SPDYE10: variants seen among roughly 807,000 people sequenced by gnomAD.
SPDYE10 encodes the protein speedy protein E10.
At chr7:73,122,955 T>C in the SPDYE10 span, among the ~76,000 whole-genome samples, 4 of 152,350 alleles carry the variant, frequency 2.6e-5, no homozygotes, top group Non-Finnish European at 5.9e-5. Context: ...TGGCCAGAGC[T>C]TGGGGAAAGG....
At chr7:73,135,612 G>A in the SPDYE10 span, among the ~76,000 whole-genome samples, 1 of 114,158 alleles carries the variant, frequency 8.8e-6, no homozygotes, top group Non-Finnish European at 1.8e-5. Flanking sequence ...TGCAACCTCC[G>A]CTTCCTGGGT....
At chr7:73,142,932 C>CA in the SPDYE10 span, among the ~76,000 whole-genome samples, 1 of 107,254 alleles carries the variant, frequency 9.3e-6, no homozygotes, top group African/African-American at 3.6e-5. Context: ...GACTCTGTCT[C>CA]AAAAAAAAAG....
chr7:73,145,971 G>T, the SPDYE10 span, among the ~76,000 whole-genome samples: 1 of 25,878 alleles, frequency 3.9e-5, no homozygotes, highest in Non-Finnish European at 7.8e-5. Context: ...TTTTGAGACA[G>T]AGTCTCACTC....
At chr7:73,150,946 A>ATTTT in the SPDYE10 span, among the ~76,000 whole-genome samples, 1 of 11,326 alleles carries the variant, frequency 8.8e-5, no homozygotes, top group Admixed American at 2.0e-3. Flanking sequence ...ATATATATAT[A>ATTTT]TATTTTTTTT....
At chr7:73,104,085 AAC>A in the SPDYE10 span, 1 of 139,850 alleles carries the variant, frequency 7.2e-6, no homozygotes, top group African/African-American at 2.7e-5. Flanking sequence ...TTCTCTTGAA[AAC>A]ACACAGCTCA....
chr7:73,134,537 A>AAAGAAAGAAAGAAAGAAAGAAAG, the SPDYE10 span, among the ~76,000 whole-genome samples: 2 of 139,530 alleles, frequency 1.4e-5, no homozygotes, highest in African/African-American at 5.7e-5. Flanking sequence ...GAAAGAAAGA[A>AAAGAAAGAAAGAAAGAAAGAAAG]AAAGAAAGAA....
the SPDYE10 span, among the ~76,000 whole-genome samples, chr7:73,127,082 CTTTTTTTTTTTTT>C: frequency 1.5e-4 from 2 of 13,360 alleles, no homozygotes; most frequent in Admixed American, 8.7e-4. Context: ...CCACGCCTGG[CTTTTTTTTTTTTT>C]TTTTTTTTTT....
chr7:73,113,667 G>T, the SPDYE10 span, among the ~76,000 whole-genome samples: 1 of 151,956 alleles, frequency 6.6e-6, no homozygotes, highest in Non-Finnish European at 1.5e-5. Context: ...GCCATAGCAG[G>T]TGGATCGCTT....
chr7:73,149,671 C>T, the SPDYE10 span, among the ~76,000 whole-genome samples: 1 of 150,782 alleles, frequency 6.6e-6, no homozygotes, highest in South Asian at 2.1e-4. Context: ...TGGCTGCACT[C>T]AGTTAGACAG....
the SPDYE10 span, among the ~76,000 whole-genome samples, chr7:73,107,736 A>C: frequency 9.4e-5 from 4 of 42,638 alleles, no homozygotes; most frequent in African/African-American, 3.6e-4. Context: ...TCCCAATGTC[A>C]CATTATAATA....
At chr7:73,118,182 C>A in the SPDYE10 span, among the ~76,000 whole-genome samples, 1 of 28,598 alleles carries the variant, frequency 3.5e-5, no homozygotes, top group Non-Finnish European at 5.9e-5. Context: ...AAAGCCAGGA[C>A]TAGTTCATCA....
chr7:73,137,622 G>GA, the SPDYE10 span, among the ~76,000 whole-genome samples: 3 of 141,186 alleles, frequency 2.1e-5, no homozygotes, highest in African/African-American at 5.5e-5. Context: ...AAGAAAGAAA[G>GA]AAAGAAAGAA....
the SPDYE10 span, among the ~76,000 whole-genome samples, chr7:73,123,598 A>C: frequency 1.3e-5 from 2 of 152,202 alleles, no homozygotes; most frequent in East Asian, 3.9e-4. Context: ...TCCTGGGATT[A>C]CAGGCATGTG....
the SPDYE10 span, among the ~76,000 whole-genome samples, chr7:73,116,865 GC>G: frequency 6.8e-6 from 1 of 147,998 alleles, no homozygotes; most frequent in Non-Finnish European, 1.5e-5. Flanking sequence ...ACAGGCATGA[GC>G]CACTGCACCC....
At chr7:73,139,653 T>G in the SPDYE10 span, among the ~76,000 whole-genome samples, 1,254 of 151,344 alleles carry the variant, frequency 8.3e-3, 18 homozygotes, top group African/African-American at 0.028. Context: ...TTGTTTGTTT[T>G]TTGTGTTTTT....
the SPDYE10 span, among the ~76,000 whole-genome samples, chr7:73,113,755 G>C: frequency 6.6e-6 from 1 of 152,024 alleles, no homozygotes; most frequent in Non-Finnish European, 1.5e-5. Context: ...ATTAGACGGG[G>C]CCAGGTGCCA....
chr7:73,113,879 A>T, the SPDYE10 span, among the ~76,000 whole-genome samples: 1 of 152,074 alleles, frequency 6.6e-6, no homozygotes, highest in East Asian at 1.9e-4. Flanking sequence ...TACAAAAAGT[A>T]GCCAGGCATG....
At chr7:73,137,913 AAGGGGAAGGGG>A in the SPDYE10 span, among the ~76,000 whole-genome samples, 1 of 113,864 alleles carries the variant, frequency 8.8e-6, no homozygotes, top group South Asian at 3.6e-4. Flanking sequence ...AGGGGAAGGG[AAGGGGAAGGGG>A]AGGGGAAGGG....
the SPDYE10 span, among the ~76,000 whole-genome samples, chr7:73,114,644 C>A: frequency 1.4e-5 from 2 of 139,756 alleles, no homozygotes; most frequent in Non-Finnish European, 3.1e-5. Flanking sequence ...TCGAGCGATT[C>A]TCTGATCTCA....
Sources: gnomAD v4.1 joint callset for allele counts (sites outside exome capture counted in the v4.1 genomes callset) on GRCh38, gnomAD v4.1.1 for gene constraint, MANE v1.5 for transcripts, NCBI Gene and HGNC (gene_info 2026-07-23, HGNC 2026-07-21) for gene names.